MAMSTR: variants seen among roughly 807,000 people sequenced by gnomAD.
The protein encoded by MAMSTR is MEF2 activating motif and SAP domain containing transcriptional regulator.
Under a neutral mutation model 42.7 loss-of-function variants are expected in MAMSTR, and 41 were observed. The observed-to-expected ratio is 0.96, with a 90% confidence interval of 0.75 to 1.25. The LOEUF is 1.25. Ranked by LOEUF, MAMSTR falls within the 50% of genes most tolerant of loss-of-function variation. MAMSTR has a pLI of 0.00. For synonymous variants in MAMSTR, 265 were observed against 244.1 expected (o/e 1.09, Z -0.80); for missense variants, 567 against 557.6 (o/e 1.02, Z -0.17).
the MAMSTR span, among the ~76,000 whole-genome samples, chr19:48,707,498 T>C: frequency 6.6e-6 from 1 of 151,988 alleles, no homozygotes; most frequent in Non-Finnish European, 1.5e-5. Context: ...CCCAGCACTT[T>C]GGGAGGCCAA....
chr19:48,711,739 GTTTT>G (rs34890088), downstream of MAMSTR, among the ~76,000 whole-genome samples: 9 of 76,250 alleles, frequency 1.2e-4, no homozygotes, highest in African/African-American at 5.0e-4. Context: ...TACCTGGCTA[GTTTT>G]TTTTTTTTTT....
chr19:48,715,236 C>G, intron 5 of MAMSTR, 26 bp downstream of exon 5: 1 of 1,558,574 alleles, frequency 6.4e-7, no homozygotes, highest in Middle Eastern at 1.7e-4. Context: ...TTCTGGGTCC[C>G]GGGAGAACAG....
In MAMSTR at chr19:48,715,650, C is replaced by A. The variant is rs972206959; in HGVS notation, c.215G>T (p.Cys72Phe). ...PGVLLPEPEY[C>F]PPWRSPKKES... ...CTTCTTTGGGGACCTCCAAGGAGGA[C>A]AATATTCTGGCTCGGGGAGCAGGAC... Residue 72 changes from cysteine to phenylalanine, a missense_variant, in exon 4 of 10, where the codon TGT (cysteine) becomes TTT (phenylalanine). Transcript: ENST00000318083. 1 of 1,543,800 alleles carries A rather than the reference C, an allele frequency of 6.5e-7. No homozygotes were observed. The highest frequency in any genetic ancestry group is 2.1e-5 in the Admixed American group (1 of 48,032).
chr19:48,708,326 T>A (rs2032684352), downstream of MAMSTR, among the ~76,000 whole-genome samples: 1 of 151,658 alleles, frequency 6.6e-6, no homozygotes, highest in African/African-American at 2.4e-5. Flanking sequence ...ACAATGAACA[T>A]GACTATATCC....
chr19:48,715,859 C>T, intron 3 of MAMSTR, 92 bp from the exon 4 acceptor site: 1 of 1,481,106 alleles, frequency 6.8e-7, no homozygotes, highest in South Asian at 1.4e-5. Context: ...CTCCAGGGTG[C>T]CGGAGGGCAG....
chr19:48,713,397 AG>A lies in MAMSTR; in HGVS notation c.1117del (p.Leu373TrpfsTer7). 6.2e-7 allele frequency: 1 copy of A among 1,613,394 alleles called. No individual in the cohort carries two copies. The highest frequency in any genetic ancestry group is 8.5e-7 in the Non-Finnish European group (1 of 1,179,802). ...CCCGCTCAGGGCCTCCAGCCAGTCC[AG>A]GGAGTCCGTGGGGTCCCTGGGAGAA... is the stretch of plus-strand genomic sequence containing the variant. ...SPSPRDPTDS[L>X]DWLEALSGGP... On this transcript the variant is annotated frameshift_variant, in exon 10 of 10. Transcript: ENST00000318083. LOFTEE classifies it high-confidence loss of function.
downstream of MAMSTR, among the ~76,000 whole-genome samples, chr19:48,707,842 A>AGAAAG (rs930955793): frequency 3.1e-5 from 2 of 65,002 alleles, no homozygotes; most frequent in African/African-American, 1.3e-4. Context: ...AAGAAAGGAA[A>AGAAAG]GAAAGAAAGA....
chr19:48,713,592 G>A lies in MAMSTR; in HGVS notation c.965-42C>T, dbSNP rs780013968. On this transcript the variant is annotated intron_variant, in intron 9 of 9. Transcript: ENST00000318083. Reference sequence around the variant, plus strand: ...GGTACATGAGCTTGGAAAGTCAGGGGTCCGGGCGCCAGCCCCCCATACCCC... The same window carrying A: ...GGTACATGAGCTTGGAAAGTCAGGGATCCGGGCGCCAGCCCCCCATACCCC... The A allele has an allele frequency of 2.5e-6, 4 of 1,599,564 alleles. No individual in the cohort carries two copies. In the African/African-American group the frequency reaches 4.0e-5, roughly 16 times the overall value.
Position 48,715,664 on chromosome 19 carries a change from G to A in MAMSTR, c.201C>T (p.Pro67=), listed in dbSNP as rs766541218. ...PFLFSPGVLL[P]EPEYCPPWRS... is the part of the protein sequence containing the mutation. The stretch of plus-strand genomic sequence containing the variant: ...TCCAAGGAGGACAATATTCTGGCTC[G>A]GGGAGCAGGACCCCAGGGCTGAAGA... The change falls in exon 4 of 10, where the codon CCC becomes CCT. Residue 67 remains proline, a synonymous_variant. Coordinates refer to ENST00000318083, the MANE Select transcript of MAMSTR (RefSeq NM_001130915.2). The A allele has an allele frequency of 4.5e-6, 7 of 1,543,630 alleles. No homozygotes were observed. Among genetic ancestry groups the A allele is most frequent in the Admixed American group, 2.1e-5 (1 of 47,914 alleles).
chr19:48,706,723 T>G, the MAMSTR span, among the ~76,000 whole-genome samples: 3 of 152,140 alleles, frequency 2.0e-5, no homozygotes, highest in African/African-American at 7.2e-5. Context: ...ATACATACTG[T>G]GCACCTATCA....
downstream of MAMSTR, among the ~76,000 whole-genome samples, chr19:48,708,792 G>C (rs1003307474): frequency 6.6e-6 from 1 of 152,138 alleles, no homozygotes; most frequent in Non-Finnish European, 1.5e-5. Context: ...GAGACACAGA[G>C]AGATGAGCGC....
intron 2 of MAMSTR, among the ~76,000 whole-genome samples, chr19:48,717,295 GT>G (rs963505776): frequency 1.0e-4 from 15 of 149,222 alleles, no homozygotes; most frequent in African/African-American, 3.5e-4. Flanking sequence ...TGTTAACACT[GT>G]TTTTTTTTCC....
Position 48,719,129 on chromosome 19 carries a change from G to T in MAMSTR, c.-21-77C>A. 2.0e-6 allele frequency: 2 copies of T among 1,020,128 alleles called. No homozygotes were observed. The highest frequency in any genetic ancestry group is 3.0e-6 in the Non-Finnish European group (2 of 673,562). 63.2% of individuals were successfully genotyped at this position (1,020,128 alleles called of 1,614,324 possible). The stretch of plus-strand genomic sequence containing the variant: ...GGAGGTCAGGAGGCCGCCCCTGAGA[G>T]TGAATTCAGCAGGGAAAGGGCCCGA... On this transcript the variant is annotated intron_variant, in intron 1 of 9. Transcript: ENST00000318083. This position sits in a 1 kb window ranked among gnomAD's most constrained non-coding sequence, Gnocchi z 4.4.
At chr19:48,718,811 G>A (rs2033148098) in intron 2 of MAMSTR, among the ~76,000 whole-genome samples, 163 bp downstream of exon 2, 1 of 151,958 alleles carries the variant, frequency 6.6e-6, no homozygotes, top group African/African-American at 2.4e-5. Context: ...CACACTCGTT[G>A]ATCCACCACA....
the MAMSTR span, among the ~76,000 whole-genome samples, chr19:48,706,635 C>A: frequency 7.2e-3 from 1,095 of 151,636 alleles, 7 homozygotes; most frequent in Non-Finnish European, 0.012. Flanking sequence ...GAAACTTGGT[C>A]AAAAAAAAGA....
intron 8 of MAMSTR, 30 bp from the exon 9 acceptor site, chr19:48,713,800 G>C (rs749628996): frequency 5.3e-5 from 86 of 1,614,104 alleles, no homozygotes; most frequent in Non-Finnish European, 7.3e-5. Context: ...GCGTGAACTC[G>C]GGACTGCGAC....
chr19:48,716,913 C>G (rs1221674943), intron 2 of MAMSTR, 170 bp from the exon 3 acceptor site: 16 of 1,209,078 alleles, frequency 1.3e-5, no homozygotes, highest in Non-Finnish European at 1.2e-5. Context: ...CCTCGGGCCT[C>G]CCGCCTGCTC....
chr19:48,712,420 TC>T (rs1347800968), downstream of MAMSTR, among the ~76,000 whole-genome samples: 17 of 149,864 alleles, frequency 1.1e-4, no homozygotes, highest in African/African-American at 2.2e-4. Context: ...TCTTTTTCTC[TC>T]TCTCTTTTTT....
chr19:48,719,211 G>A lies in MAMSTR; in HGVS notation c.-21-159C>T, dbSNP rs185142239. ...TAACTTCCGGATCCCAGGGGCTGTA[G>A]AGGAGGGGGCTGCACACCCGGACAC... is the stretch of plus-strand genomic sequence containing the variant. On this transcript the variant is annotated intron_variant, in intron 1 of 9. Transcript: ENST00000318083. This position sits in a 1 kb window ranked among gnomAD's most constrained non-coding sequence, Gnocchi z 4.4. 2.0e-3 allele frequency among the ~76,000 whole-genome samples: 298 copies of A among 152,222 alleles called. 1 individual carries two copies. The highest frequency in any genetic ancestry group is 3.0e-3 in the Non-Finnish European group (205 of 68,020).
Sources: gnomAD v4.1 joint callset for allele counts (sites outside exome capture counted in the v4.1 genomes callset) on GRCh38, gnomAD v4.1.1 for gene constraint, Gnocchi (gnomAD v3.1) non-coding constraint, MANE v1.5 for transcripts, NCBI Gene and HGNC (gene_info 2026-07-23, HGNC 2026-07-21) for gene names.